The following COL22A1 variants were observed in gnomAD, a reference collection of about 807,000 sequenced individuals.
The protein encoded by COL22A1 is collagen type XXII alpha 1 chain, also known as collagen alpha-1(XXII) chain.
In COL22A1, 221 loss-of-function variants were observed where a neutral mutation model predicts 248.9. That is an observed-to-expected ratio of 0.89 (90% CI 0.80 to 0.99). The LOEUF (loss-of-function observed/expected upper bound fraction) is 0.99. Ranked by LOEUF, COL22A1 falls within the 50% of genes least tolerant of loss-of-function variation. COL22A1 has a pLI of 0.00. For synonymous variants in COL22A1, 891 were observed against 793.4 expected (o/e 1.12, Z -2.07); for missense variants, 2,240 against 2,179.0 (o/e 1.03, Z -0.56).
At chr8:138,790,639 G>A (rs908661266) in intron 12 of COL22A1, among the ~76,000 whole-genome samples, 2 of 152,170 alleles carry the variant, frequency 1.3e-5, no homozygotes, top group African/African-American at 4.8e-5. Flanking sequence ...TGGTTCCGGT[G>A]AGAAGAACCC....
chr8:138,705,171 G>A (rs535294452), intron 30 of COL22A1, among the ~76,000 whole-genome samples: 139 of 152,324 alleles, frequency 9.1e-4, no homozygotes, highest in Admixed American at 2.2e-3. Flanking sequence ...GTACCTGAAA[G>A]TGACGGGGAG....
intron 2 of COL22A1, among the ~76,000 whole-genome samples, chr8:138,881,664 G>A (rs957228185): frequency 2.6e-5 from 4 of 152,202 alleles, no homozygotes; most frequent in East Asian, 1.9e-4. Context: ...CAGCCTGGGC[G>A]ACAGAGCGAG....
chr8:138,844,307 C>T (rs185683454), intron 3 of COL22A1, 149 bp from the exon 4 acceptor site: 26 of 713,128 alleles, frequency 3.6e-5, no homozygotes, highest in Middle Eastern at 3.7e-4. Flanking sequence ...CTGGCATCTC[C>T]GCACTCACTC....
intron 32 of COL22A1, among the ~76,000 whole-genome samples, chr8:138,697,473 C>G (rs1827601642): frequency 6.6e-6 from 1 of 152,194 alleles, no homozygotes; most frequent in Non-Finnish European, 1.5e-5. Context: ...CTGCCTGTCC[C>G]TCCTTCCTCC....
rs191366161 is a variant in COL22A1, at chr8:138,772,367, A to G, written c.1803+3599T>C. On this transcript the variant is annotated intron_variant, in intron 16 of 64. Transcript: ENST00000303045. ...GGTGGCTGAAAGGCAAACAAATGCCATGTGGTTGACCAAGGTCATCACGGT... is the reference window on the plus strand; with the variant it reads ...GGTGGCTGAAAGGCAAACAAATGCCGTGTGGTTGACCAAGGTCATCACGGT... 2.0e-5 allele frequency among the ~76,000 whole-genome samples: 3 copies of G among 152,346 alleles called. No individual in the cohort carries two copies. The East Asian group carries it at 5.8e-4, about 29-fold the overall frequency.
rs746488739 is a variant in COL22A1, at chr8:138,694,812, C to T, written c.2646+14G>A. The T allele has an allele frequency of 9.3e-6, 15 of 1,613,534 alleles. No homozygotes were observed. The highest frequency in any genetic ancestry group is 1.7e-5 in the Admixed American group (1 of 59,942). ...TAACCAGCCCTGCGGGGGAAGGGGA[C>T]ACAAGAGACTCACCGGTTCCCCAGG... On this transcript the variant is annotated intron_variant, in intron 33 of 64. Coordinates refer to ENST00000303045, the MANE Select transcript of COL22A1 (RefSeq NM_152888.3).
Position 138,645,760 on chromosome 8 carries a change from C to T in COL22A1, c.3501+869G>A, listed in dbSNP as rs369846671. On this transcript the variant is annotated intron_variant, in intron 47 of 64. Coordinates refer to ENST00000303045, the MANE Select transcript of COL22A1 (RefSeq NM_152888.3). ...ACTTCTGAGCTTTCTCTCCTATTGACAATTTTATGCCACCTCTTCTACCAG... is the reference window on the plus strand; with the variant it reads ...ACTTCTGAGCTTTCTCTCCTATTGATAATTTTATGCCACCTCTTCTACCAG... Among the ~76,000 whole-genome samples the T allele has an allele frequency of 1.2e-4, 18 of 152,310 alleles. 1 individual carries two copies. In the East Asian group the frequency reaches 3.5e-3, roughly 29 times the overall value.
chr8:138,910,394 G>A (rs1179636581), intron 1 of COL22A1, among the ~76,000 whole-genome samples: 1 of 152,138 alleles, frequency 6.6e-6, no homozygotes, highest in Admixed American at 6.5e-5. Context: ...TAGGTGGGAA[G>A]AGTGAAAGGT....
chr8:138,711,562 C>T (rs1405608190), intron 30 of COL22A1, among the ~76,000 whole-genome samples: 5 of 152,178 alleles, frequency 3.3e-5, no homozygotes, highest in East Asian at 1.9e-4. Flanking sequence ...GAAAAGTCCA[C>T]GGCAGCAGCA....
intron 22 of COL22A1, among the ~76,000 whole-genome samples, chr8:138,747,844 G>A (rs1200900476): frequency 6.6e-6 from 1 of 152,076 alleles, no homozygotes; most frequent in African/African-American, 2.4e-5. Flanking sequence ...ATAAAAGCAA[G>A]TAAAAGAAAA....
At chr8:138,828,817 A>C (rs1819800734) in intron 5 of COL22A1, among the ~76,000 whole-genome samples, 1 of 151,898 alleles carries the variant, frequency 6.6e-6, no homozygotes, top group Non-Finnish European at 1.5e-5. Flanking sequence ...ACTCCATGCC[A>C]TCTGGCTACT....
chr8:138,605,448 A>T (rs2131850033), intron 58 of COL22A1, among the ~76,000 whole-genome samples: 1 of 152,304 alleles, frequency 6.6e-6, no homozygotes, highest in African/African-American at 2.4e-5. Context: ...GGGATGGAGA[A>T]GGAGACTTGG....
chr8:138,796,766 T>G, intron 12 of COL22A1, 53 bp downstream of exon 12: 1 of 1,250,586 alleles, frequency 8.0e-7, no homozygotes, highest in East Asian at 2.3e-5. Flanking sequence ...CCCCCAAACC[T>G]AAGTCCTCTG....
intron 53 of COL22A1, 45 bp from the exon 54 acceptor site, chr8:138,617,003 T>C (rs749603544): frequency 1.2e-6 from 2 of 1,611,206 alleles, no homozygotes; most frequent in South Asian, 1.1e-5. Context: ...AGCAGGCTCT[T>C]GGGGCAGAAG....
intron 48 of COL22A1, among the ~76,000 whole-genome samples, chr8:138,635,948 G>A (rs573398754): frequency 6.6e-6 from 1 of 152,200 alleles, no homozygotes; most frequent in Middle Eastern, 3.2e-3. Flanking sequence ...GTGAGGTCAG[G>A]AGTTTGTCTG....
chr8:138,856,752 G>T (rs1485479513), intron 3 of COL22A1, among the ~76,000 whole-genome samples: 1 of 152,172 alleles, frequency 6.6e-6, no homozygotes, highest in Non-Finnish European at 1.5e-5. Flanking sequence ...TTTTGTGTGG[G>T]CGGCCTGTGG....
chr8:138,601,513 T>G (rs1818008073), intron 60 of COL22A1, among the ~76,000 whole-genome samples: 1 of 152,086 alleles, frequency 6.6e-6, no homozygotes, highest in Non-Finnish European at 1.5e-5. Context: ...CGCAGGATTG[T>G]GGGCAAACGA....
At chr8:138,644,839 G>A (rs900840574) in intron 47 of COL22A1, among the ~76,000 whole-genome samples, 3 of 152,008 alleles carry the variant, frequency 2.0e-5, no homozygotes, top group Admixed American at 1.3e-4. Flanking sequence ...CCCTTCCCTT[G>A]AGGCACTTGC....
chr8:138,666,681 C>T (rs1397863909), intron 41 of COL22A1, among the ~76,000 whole-genome samples: 1 of 152,150 alleles, frequency 6.6e-6, no homozygotes, highest in Non-Finnish European at 1.5e-5. Flanking sequence ...AAGGAAAGGG[C>T]ATGAGGGATG....
Sources: gnomAD v4.1 joint callset for allele counts (sites outside exome capture counted in the v4.1 genomes callset) on GRCh38, gnomAD v4.1.1 for gene constraint, MANE v1.5 for transcripts, NCBI Gene and HGNC (gene_info 2026-07-23, HGNC 2026-07-21) for gene names.